The following CNGA3 variants were observed in gnomAD, a reference collection of about 807,000 sequenced individuals.
CNGA3 encodes the protein cyclic nucleotide-gated channel alpha-3.
A neutral mutation model predicts 46.6 loss-of-function variants in CNGA3; 42 were observed. The observed-to-expected ratio is 0.90, with a 90% CI of 0.70 to 1.17. The LOEUF (loss-of-function observed/expected upper bound fraction) is 1.17, where lower values mean the gene tolerates loss of function less well. Ranked by LOEUF, CNGA3 falls within the 50% of genes most tolerant of loss-of-function variation. CNGA3 has a pLI of 0.00. For missense variants in CNGA3, 893 were observed against 890.7 expected (o/e 1.00, Z -0.03); for synonymous variants, 394 against 369.4 (o/e 1.07, Z -0.76).
chr2:98,380,233 G>A lies in CNGA3; in HGVS notation c.274G>A (p.Asp92Asn). The A allele has an allele frequency of 6.2e-7, 1 of 1,614,198 alleles. No homozygotes were observed. Among genetic ancestry groups the A allele is most frequent in the Non-Finnish European group, 8.5e-7 (1 of 1,180,024 alleles). ...GGCTGCCAGGCATGTGCACCACCAG[G>A]ACCAGGGACCGGACTCTTTTCCTGA... Reference protein sequence around the residue: ...RWAARHVHHQDQGPDSFPDRF... With the variant: ...RWAARHVHHQNQGPDSFPDRF... Residue 92 changes from aspartate to asparagine, a missense_variant, in exon 4 of 8, where the codon GAC becomes AAC. By Grantham distance (23) the Asp-to-Asn change is conservative (BLOSUM62 1). Transcript: ENST00000272602.
At position 98,396,944 on chromosome 2, in the gene CNGA3, C is replaced by G. The variant is rs1414317435; in HGVS notation, c.1774C>G (p.Pro592Ala). ...DDLMEALTEY[P>A]EAKKALEEKG... ...TCTCATGGAGGCCCTCACCGAGTAC[C>G]CCGAAGCCAAGAAGGCCCTGGAGGA... Residue 592 changes from proline to alanine, a missense_variant, in exon 8 of 8, where the codon CCC (proline) becomes GCC (alanine). Transcript: ENST00000272602. 6 of 1,614,122 alleles carry G rather than the reference C, an allele frequency of 3.7e-6. No individual in the cohort carries two copies. The highest frequency in any genetic ancestry group is 5.1e-6 in the Non-Finnish European group (6 of 1,180,040).
chr2:98,395,640 C>A (rs1484248061), intron 7 of CNGA3, among the ~76,000 whole-genome samples: 1 of 151,992 alleles, frequency 6.6e-6, no homozygotes, highest in Admixed American at 6.5e-5. Context: ...TAAAAAAATT[C>A]AATAGAATAG....
At chr2:98,378,595 T>C (rs879720976) in intron 3 of CNGA3, among the ~76,000 whole-genome samples, 6 of 152,262 alleles carry the variant, frequency 3.9e-5, no homozygotes, top group Non-Finnish European at 5.9e-5. Context: ...TGAAGGATGC[T>C]ACTCCACCAT....
At chr2:98,352,459 G>C (rs1452538747) in intron 1 of CNGA3, among the ~76,000 whole-genome samples, 2 of 152,162 alleles carry the variant, frequency 1.3e-5, no homozygotes, top group Admixed American at 6.5e-5. Flanking sequence ...GAACTGCCCA[G>C]CTGTTCTCCA....
At position 98,397,269 on chromosome 2, in the gene CNGA3, G is replaced by A; in HGVS notation, c.*14G>A. 6.2e-7 allele frequency: 1 copy of A among 1,612,712 alleles called. No individual in the cohort carries two copies. Among genetic ancestry groups the A allele is most frequent in the South Asian group, 1.1e-5 (1 of 91,010 alleles). On this transcript the variant is annotated 3_prime_UTR_variant, in exon 8 of 8. Coordinates refer to ENST00000272602, the MANE Select transcript of CNGA3 (RefSeq NM_001298.3). Reference sequence around the variant, plus strand: ...AAACAACAGTGAAAATGCAGCATCTGTCTCCTGCTTCACAGGGTCGACTGT... The same window carrying A: ...AAACAACAGTGAAAATGCAGCATCTATCTCCTGCTTCACAGGGTCGACTGT...
At chr2:98,359,938 AG>A (rs1184769710) in intron 1 of CNGA3, among the ~76,000 whole-genome samples, 1 of 152,170 alleles carries the variant, frequency 6.6e-6, no homozygotes, top group East Asian at 1.9e-4. Flanking sequence ...GAGCAGGGGC[AG>A]GGTTCCCGGT....
intron 1 of CNGA3, among the ~76,000 whole-genome samples, chr2:98,353,149 AT>A (rs984577716): frequency 6.6e-6 from 1 of 152,022 alleles, no homozygotes; most frequent in African/African-American, 2.4e-5. Context: ...TATCTCCAAA[AT>A]TTTTTCCAAT....
chr2:98,382,171 T>C (rs1387398343), intron 4 of CNGA3, among the ~76,000 whole-genome samples: 1 of 152,138 alleles, frequency 6.6e-6, no homozygotes, highest in Non-Finnish European at 1.5e-5. Flanking sequence ...CGGATAGTGT[T>C]GGTCAATCAG....
At chr2:98,362,275 G>T (rs1191953224) in intron 1 of CNGA3, among the ~76,000 whole-genome samples, 1 of 149,350 alleles carries the variant, frequency 6.7e-6, no homozygotes, top group Non-Finnish European at 1.5e-5. Context: ...TGCCTCCCGG[G>T]TTCAAGTGAT....
At chr2:98,352,719 G>A (rs537962306) in intron 1 of CNGA3, among the ~76,000 whole-genome samples, 15 of 152,054 alleles carry the variant, frequency 9.9e-5, no homozygotes, top group Admixed American at 2.0e-4. Context: ...TGCGAGCCCG[G>A]GTAGGATAAA....
chr2:98,397,326 G>T lies in CNGA3; in HGVS notation c.*71G>T. 3 of 1,489,834 alleles carry T rather than the reference G, an allele frequency of 2.0e-6. No homozygotes were observed. The highest frequency in any genetic ancestry group is 1.2e-5 in the South Asian group (1 of 85,498). The allele number at this position is 1,489,834 out of a possible 1,614,324, so 92.3% of individuals were successfully genotyped here. A position where few individuals can be genotyped will look rare whatever the true frequency, so the allele number is the denominator to read the frequency against. On this transcript the variant is annotated 3_prime_UTR_variant, in exon 8 of 8. Transcript: ENST00000272602. ...GACCGTATGTGGCCGCAGCTGTGTG[G>T]CATGGAACTTGGTCAGGGTTGAATT... is the stretch of plus-strand genomic sequence containing the variant.
intron 1 of CNGA3, among the ~76,000 whole-genome samples, chr2:98,361,466 T>C (rs1181524852): frequency 6.6e-6 from 1 of 152,208 alleles, no homozygotes; most frequent in East Asian, 1.9e-4. Flanking sequence ...GTCTTTGCTA[T>C]TGTGAATAGT....
rs1388470784 is a variant in CNGA3 at position 98,396,436 on chromosome 2, G to GT, written c.1267dup (p.Tyr423LeufsTer20). ...AGGCCAAGATTGATTCCATCAAGCA[G>GT]TACATGCAGTTCCGCAAGGTCACCA... is the stretch of plus-strand genomic sequence containing the variant. On this transcript the variant is annotated frameshift_variant, in exon 8 of 8. Coordinates refer to ENST00000272602, the MANE Select transcript of CNGA3 (RefSeq NM_001298.3). LOFTEE classifies it high-confidence loss of function. The GT allele has an allele frequency of 6.2e-7, 1 of 1,614,006 alleles. No homozygotes were observed. The highest frequency in any genetic ancestry group is 8.5e-7 in the Non-Finnish European group (1 of 1,180,046).
At chr2:98,379,620 C>G (rs1692493013) in intron 3 of CNGA3, among the ~76,000 whole-genome samples, 1 of 152,198 alleles carries the variant, frequency 6.6e-6, no homozygotes, top group Non-Finnish European at 1.5e-5. Context: ...GGAGAAAACT[C>G]TAGTTTGTAC....
At chr2:98,393,661 G>A (rs890415137) in intron 7 of CNGA3, among the ~76,000 whole-genome samples, 5 of 152,108 alleles carry the variant, frequency 3.3e-5, no homozygotes, top group African/African-American at 1.2e-4. Context: ...ATGGTCCCTG[G>A]TCTCAGCCCA....
At chr2:98,369,890 A>T in intron 1 of CNGA3, 49 bp from the exon 2 acceptor site, 1 of 1,241,788 alleles carries the variant, frequency 8.1e-7, no homozygotes, top group Non-Finnish European at 1.2e-6. Flanking sequence ...CTGGGTTTGC[A>T]GTTACTTTCC....
At chr2:98,395,024 G>A (rs1189060461) in intron 7 of CNGA3, among the ~76,000 whole-genome samples, 1 of 151,958 alleles carries the variant, frequency 6.6e-6, no homozygotes, top group African/African-American at 2.4e-5. Context: ...TGCCTGCTCT[G>A]TCCCCTTTAA....
rs188196750 is a variant in CNGA3, at chr2:98,380,343, C to G, written c.384C>G (p.Asp128Glu). ...ATGTGGGCAGCCAGGAGCCAGCAGACAGAGGGAGAAGGTAAGGAACGGAAA... is the reference window on the plus strand; with the variant it reads ...ATGTGGGCAGCCAGGAGCCAGCAGAGAGAGGGAGAAGGTAAGGAACGGAAA... Reference protein sequence around the residue: ...QANVGSQEPADRGRSAWPLAK... With the variant: ...QANVGSQEPAERGRSAWPLAK... The change falls in exon 4 of 8, where the codon GAC becomes GAG. Residue 128 changes from aspartate to glutamate, a missense_variant. Physicochemically the swap from Asp to Glu is conservative, Grantham distance 45 (BLOSUM62 2). Coordinates refer to ENST00000272602, the MANE Select transcript of CNGA3 (RefSeq NM_001298.3). The G allele has an allele frequency of 1.2e-6, 2 of 1,614,068 alleles. No homozygotes were observed. The highest frequency in any genetic ancestry group is 2.2e-5 in the East Asian group (1 of 44,870).
intron 3 of CNGA3, chr2:98,379,940 C>T (rs1474345538): frequency 1.5e-5 from 9 of 591,412 alleles, no homozygotes; most frequent in Non-Finnish European, 2.7e-5. Context: ...CCGGGGAAGC[C>T]TGCCCCTGAC....
Sources: gnomAD v4.1 joint callset for allele counts (sites outside exome capture counted in the v4.1 genomes callset) on GRCh38, gnomAD v4.1.1 for gene constraint, MANE v1.5 for transcripts, NCBI Gene and HGNC (gene_info 2026-07-23, HGNC 2026-07-21) for gene names.